Variants in FAT3 observed in about 807,000 individuals in gnomAD.
FAT3 encodes FAT atypical cadherin 3.
In FAT3, 95 loss-of-function variants were observed where a neutral mutation model predicts 310.2. That is an observed-to-expected ratio of 0.31 (90% CI 0.26 to 0.36). FAT3 has a LOEUF of 0.36. FAT3 is among the 10% of genes least tolerant of loss of function. FAT3 has a pLI of 1.00. For missense variants in FAT3, 5,408 were observed against 5,715.6 expected (o/e 0.95, Z 1.74); for synonymous variants, 2,314 against 2,192.9 (o/e 1.06, Z -1.54).
At chr11:92,500,826 A>C (rs1232534715) in intron 2 of FAT3, among the ~76,000 whole-genome samples, 1 of 152,090 alleles carries the variant, frequency 6.6e-6, no homozygotes, top group Non-Finnish European at 1.5e-5. Context: ...AGATACTTTA[A>C]TCACATAGTA....
chr11:92,340,060 G>A (rs963587957), intron 1 of FAT3, among the ~76,000 whole-genome samples: 1 of 147,390 alleles, frequency 6.8e-6, no homozygotes, highest in Non-Finnish European at 1.5e-5. Flanking sequence ...TGCAGTGAGT[G>A]GAGATGTTGC....
chr11:92,407,938 C>T (rs1439992057), intron 2 of FAT3: 1 of 152,174 alleles, frequency 6.6e-6, no homozygotes, highest in Admixed American at 6.5e-5. Context: ...GGGAATGAAA[C>T]TTCCCAGCCC....
intron 2 of FAT3, among the ~76,000 whole-genome samples, chr11:92,361,922 A>G (rs1275391626): frequency 1.3e-5 from 2 of 152,374 alleles, no homozygotes; most frequent in Admixed American, 6.5e-5. Context: ...GCAAGAGATG[A>G]TGCTGGTAAC....
rs1219689246 is a variant in FAT3, at chr11:92,354,824, A to G, written c.2712A>G (p.Ile904Met). The G allele has an allele frequency of 1.2e-6, 2 of 1,613,818 alleles. No homozygotes were observed. The highest frequency in any genetic ancestry group is 2.7e-5 in the African/African-American group (2 of 74,926). ...CCAAAGCCAATTATTCTTTGAAAATAGAAGCCAGGGACAAGGCAGAGAGTG... is the reference window on the plus strand; with the variant it reads ...CCAAAGCCAATTATTCTTTGAAAATGGAAGCCAGGGACAAGGCAGAGAGTG... ...RESKANYSLKIEARDKAESGQ... is the reference protein window; with the variant it reads ...RESKANYSLKMEARDKAESGQ... Residue 904 changes from isoleucine to methionine, a missense_variant, in exon 2 of 28, where the codon ATA becomes ATG. Coordinates refer to ENST00000525166, the MANE Select transcript of FAT3 (RefSeq NM_001367949.2).
At chr11:92,474,934 A>C (rs1952008359) in intron 2 of FAT3, among the ~76,000 whole-genome samples, 1 of 152,202 alleles carries the variant, frequency 6.6e-6, no homozygotes, top group African/African-American at 2.4e-5. Context: ...TTCTATTTAG[A>C]AAAATGCAAG....
In FAT3 at chr11:92,524,620, CT is replaced by C. The variant is rs1565382981; in HGVS notation, c.3293-8del. On this transcript the variant is annotated splice_polypyrimidine_tract_variant and intron_variant, in intron 2 of 27. Transcript: ENST00000525166. ...CTTTCTCTGTGACAGTAACACTTCT[CT>C]TTTTTGTCTCAGGGGTCATCACTGC... The C allele has an allele frequency of 6.2e-7, 1 of 1,605,122 alleles. No homozygotes were observed. The highest frequency in any genetic ancestry group is 8.5e-7 in the Non-Finnish European group (1 of 1,173,518).
chr11:92,438,172 G>A (rs1415671703), intron 2 of FAT3, among the ~76,000 whole-genome samples: 2 of 152,114 alleles, frequency 1.3e-5, no homozygotes, highest in Non-Finnish European at 2.9e-5. Flanking sequence ...CACATGTTAA[G>A]TAAGAATTTA....
At chr11:92,880,149 G>A (rs957529220) in intron 22 of FAT3, among the ~76,000 whole-genome samples, 2 of 151,316 alleles carry the variant, frequency 1.3e-5, no homozygotes, top group Non-Finnish European at 2.9e-5. Context: ...TGAAAAAAAT[G>A]CAAAAATCAG....
At chr11:92,409,478 C>G (rs544228187) in intron 2 of FAT3, among the ~76,000 whole-genome samples, 1 of 152,252 alleles carries the variant, frequency 6.6e-6, no homozygotes, top group South Asian at 2.1e-4. Flanking sequence ...TATCAGCCCT[C>G]CACTACAGTT....
chr11:92,739,704 A>G (rs1470173229), intron 4 of FAT3, among the ~76,000 whole-genome samples: 1 of 152,218 alleles, frequency 6.6e-6, no homozygotes, highest in Admixed American at 6.5e-5. Flanking sequence ...CAGTTGGAGC[A>G]AATAACCTTC....
intron 2 of FAT3, among the ~76,000 whole-genome samples, chr11:92,484,147 T>C (rs1006973189): frequency 1.8e-4 from 27 of 152,358 alleles, no homozygotes; most frequent in Admixed American, 1.8e-3. Flanking sequence ...GTCTTCTTCT[T>C]GGCATAGGAT....
At position 92,522,035 on chromosome 11, in the gene FAT3, G is replaced by A. The variant is rs1020744165; in HGVS notation, c.3293-2599G>A. 4.6e-5 allele frequency among the ~76,000 whole-genome samples: 7 copies of A among 152,234 alleles called. No individual in the cohort carries two copies. The East Asian group carries it at 1.4e-3, about 29-fold the overall frequency. ...TCTCATTATCTCTGTTCCTCCAATGGCAGCACAGGGTCCAGTGGATGCCTG... is the reference window on the plus strand; with the variant it reads ...TCTCATTATCTCTGTTCCTCCAATGACAGCACAGGGTCCAGTGGATGCCTG... On this transcript the variant is annotated intron_variant, in intron 2 of 27. Transcript: ENST00000525166.
chr11:92,250,528 C>G (rs1401984011), intron 1 of FAT3, among the ~76,000 whole-genome samples: 1 of 152,052 alleles, frequency 6.6e-6, no homozygotes, highest in East Asian at 1.9e-4. Flanking sequence ...ATATTCCAAG[C>G]AGTGTTTAAC....
intron 18 of FAT3, 25 bp from the exon 19 acceptor site, chr11:92,843,909 C>T (rs780223353): frequency 1.3e-6 from 2 of 1,558,994 alleles, no homozygotes; most frequent in Non-Finnish European, 1.7e-6. Flanking sequence ...TCCTTTGTTG[C>T]CTTTTCACCT....
chr11:92,674,711 T>C (rs1276724875), intron 3 of FAT3, among the ~76,000 whole-genome samples: 1 of 151,928 alleles, frequency 6.6e-6, no homozygotes, highest in African/African-American at 2.4e-5. Context: ...TGTGTGTGTG[T>C]GGAGACGGGG....
rs143842558 is a variant in FAT3 at position 92,504,082 on chromosome 11, A to G, written c.3293-20552A>G. ...TTTCCATCACAGATTGTGAATTATT[A>G]TGTAATGGAAGCTAACTAGTTGTAG... On this transcript the variant is annotated intron_variant, in intron 2 of 27. Transcript: ENST00000525166. Among the ~76,000 whole-genome samples the G allele has an allele frequency of 8.5e-3, 1,297 of 152,296 alleles. 3 individuals are homozygous for G. The highest frequency in any genetic ancestry group is 0.014 in the Non-Finnish European group (938 of 68,028).
intron 2 of FAT3, among the ~76,000 whole-genome samples, chr11:92,422,869 A>G (rs1159258579): frequency 6.6e-6 from 1 of 152,146 alleles, no homozygotes; most frequent in African/African-American, 2.4e-5. Context: ...CTAGTGGTCA[A>G]ATCAGTTGTC....
At chr11:92,513,433 T>C (rs1031927880) in intron 2 of FAT3, among the ~76,000 whole-genome samples, 29 of 152,088 alleles carry the variant, frequency 1.9e-4, no homozygotes, top group Non-Finnish European at 3.8e-4. Flanking sequence ...AGGCATGGGG[T>C]TGGCTAAAAG....
At chr11:92,435,669 A>G (rs1382510544) in intron 2 of FAT3, among the ~76,000 whole-genome samples, 7 of 151,178 alleles carry the variant, frequency 4.6e-5, no homozygotes, top group African/African-American at 1.7e-4. Flanking sequence ...GGTTCAAGCA[A>G]TTCTCATGCC....
Sources: gnomAD v4.1 joint callset for allele counts (sites outside exome capture counted in the v4.1 genomes callset) on GRCh38, gnomAD v4.1.1 for gene constraint, MANE v1.5 for transcripts, NCBI Gene and HGNC (gene_info 2026-07-23, HGNC 2026-07-21) for gene names.